Variants in STON2 observed in about 807,000 individuals in gnomAD.
STON2 encodes stonin-2.
Under a neutral mutation model 65.7 loss-of-function variants are expected in STON2, and 29 were observed. The observed-to-expected ratio is 0.44, with a 90% CI of 0.33 to 0.60. The LOEUF (loss-of-function observed/expected upper bound fraction) is 0.60, where lower values mean the gene tolerates loss of function less well. Among genes scored for constraint, STON2 ranks in the 20% least tolerant of loss-of-function variants. The probability of loss-of-function intolerance (pLI) is 0.03; values close to 1 mark genes in which losing one functional copy is unlikely to be tolerated. For missense variants in STON2, 1,054 were observed against 1,118.1 expected (o/e 0.94, Z 0.82); for synonymous variants, 404 against 414.2 (o/e 0.98, Z 0.30).
intron 5 of STON2, among the ~76,000 whole-genome samples, chr14:81,306,986 T>C (rs1896208149): frequency 1.3e-5 from 2 of 152,226 alleles, no homozygotes; most frequent in African/African-American, 4.8e-5. Flanking sequence ...ATTTAAATAA[T>C]GAGCACTTCT....
At chr14:81,342,077 A>T (rs1566917538) in intron 4 of STON2, among the ~76,000 whole-genome samples, 1 of 152,194 alleles carries the variant, frequency 6.6e-6, no homozygotes, top group African/African-American at 2.4e-5. Flanking sequence ...TAGACTGTTA[A>T]ATTATGTGTT....
intron 3 of STON2, among the ~76,000 whole-genome samples, chr14:81,374,333 A>C (rs1320703631): frequency 6.6e-6 from 1 of 151,950 alleles, no homozygotes; most frequent in Non-Finnish European, 1.5e-5. Flanking sequence ...ATCCCTTCTG[A>C]AGGAAGATAC....
At chr14:81,401,110 T>C (rs910400160), upstream of STON2, among the ~76,000 whole-genome samples, 1 of 152,226 alleles carries the variant, frequency 6.6e-6, no homozygotes, top group Admixed American at 6.5e-5. Flanking sequence ...GGGACTGGAA[T>C]GCAGATTTCA....
chr14:81,427,901 C>T (rs919669394), intron 1 of STON2, among the ~76,000 whole-genome samples: 8 of 152,144 alleles, frequency 5.3e-5, no homozygotes, highest in Non-Finnish European at 7.4e-5. Context: ...ACCACAGTGA[C>T]TCAGGGCATA....
chr14:81,331,076 G>A (rs1489013765), intron 4 of STON2, among the ~76,000 whole-genome samples: 1 of 152,250 alleles, frequency 6.6e-6, no homozygotes. Flanking sequence ...AAAAGCACCT[G>A]AGAAACCGGT....
chr14:81,398,307 C>G lies in STON2; in HGVS notation c.76G>C (p.Ala26Pro). 1 of 1,613,130 alleles carries G rather than the reference C, an allele frequency of 6.2e-7. No homozygotes were observed. The highest frequency in any genetic ancestry group is 1.1e-5 in the South Asian group (1 of 90,950). Reference protein sequence around the residue: ...VSFNEEPPFPAHSQGGTEEHL... With the variant: ...VSFNEEPPFPPHSQGGTEEHL... ...AGGCACTCCTTACCCTGCGAGTGGG[C>G]AGGAAAGGGTGGCTCTTCATTGAAG... The change falls in exon 2 of 8, where the codon GCC becomes CCC. Residue 26 changes from alanine to proline, a missense_variant. Coordinates refer to ENST00000614646, the MANE Select transcript of STON2 (RefSeq NM_001394390.1).
At chr14:81,353,716 G>A (rs8009171) in intron 4 of STON2, among the ~76,000 whole-genome samples, 46,252 of 151,914 alleles carry the variant, frequency 0.3, 7,291 homozygotes, top group East Asian at 0.4. Flanking sequence ...GTAAGCCCAC[G>A]GTCATTTCAC....
chr14:81,278,199 T>A lies in STON2; in HGVS notation c.1283A>T (p.Asp428Val), dbSNP rs1481393708. 6.2e-7 allele frequency: 1 copy of A among 1,614,020 alleles called. No homozygotes were observed. The highest frequency in any genetic ancestry group is 2.2e-5 in the East Asian group (1 of 44,888). Residue 428 changes from aspartate (D) to valine (V), a missense_variant, in exon 6 of 8, where the codon GAT becomes GTT. Physicochemically the swap from Asp to Val is radical, Grantham distance 152. Coordinates refer to ENST00000614646, the MANE Select transcript of STON2 (RefSeq NM_001394390.1). The part of the protein sequence containing the change: ...VIYQDAISFD[D>V]SSKTQSHSDA... ...AGAGTGTGACTGGGTTTTGCTTGAATCATCAAAACTGATGGCATCCTGGTA... is the reference window on the plus strand; with the variant it reads ...AGAGTGTGACTGGGTTTTGCTTGAAACATCAAAACTGATGGCATCCTGGTA...
rs545478293 is a variant in STON2 at position 81,398,323 on chromosome 14, T to C, written c.60A>G (p.Glu20=). The C allele has an allele frequency of 3.7e-6, 6 of 1,614,038 alleles. 1 individual carries two copies. In the South Asian group the frequency reaches 6.6e-5, roughly 18 times the overall value. ...GCGAGTGGGCAGGAAAGGGTGGCTCTTCATTGAAGGAGACCCATTCTGACT... is the reference window on the plus strand; with the variant it reads ...GCGAGTGGGCAGGAAAGGGTGGCTCCTCATTGAAGGAGACCCATTCTGACT... ...THQSEWVSFN[E]EPPFPAHSQG... is the part of the protein sequence containing the mutation. The change falls in exon 2 of 8, where the codon GAA becomes GAG. Residue 20 remains glutamate, a synonymous_variant. Transcript: ENST00000614646.
chr14:81,328,545 G>A (rs1374831084), intron 4 of STON2, among the ~76,000 whole-genome samples: 1 of 152,112 alleles, frequency 6.6e-6, no homozygotes, highest in African/African-American at 2.4e-5. Flanking sequence ...GTGCTCTGAG[G>A]GCTCACTCAG....
chr14:81,375,059 G>A (rs1464326062), intron 3 of STON2, among the ~76,000 whole-genome samples: 1 of 152,100 alleles, frequency 6.6e-6, no homozygotes, highest in Non-Finnish European at 1.5e-5. Flanking sequence ...AAGCCAATGT[G>A]CACTTCAAAG....
intron 3 of STON2, among the ~76,000 whole-genome samples, chr14:81,379,288 T>C (rs1221051716): frequency 6.7e-6 from 1 of 148,176 alleles, no homozygotes; most frequent in African/African-American, 2.7e-5. Context: ...CAACAATAAG[T>C]ATGAAGCATA....
chr14:81,317,089 A>G (rs977324074), intron 5 of STON2, among the ~76,000 whole-genome samples: 2 of 152,220 alleles, frequency 1.3e-5, no homozygotes, highest in Admixed American at 1.3e-4. Flanking sequence ...GAAGCATGGC[A>G]GCAGCATCTG....
intron 5 of STON2, among the ~76,000 whole-genome samples, chr14:81,289,630 A>G (rs746202909): frequency 1.3e-5 from 2 of 152,196 alleles, no homozygotes; most frequent in African/African-American, 2.4e-5. Context: ...CGCGTGTGAC[A>G]TTCCTTGAAA....
At chr14:81,404,394 G>C (rs183400908), upstream of STON2, among the ~76,000 whole-genome samples, 2 of 152,322 alleles carry the variant, frequency 1.3e-5, no homozygotes, top group African/African-American at 4.8e-5. Context: ...TATCCTGGAT[G>C]TATTAGCTTA....
Position 81,266,001 on chromosome 14 carries a change from G to A in STON2, c.*2413C>T. On this transcript the variant is annotated 3_prime_UTR_variant, in exon 8 of 8. Transcript: ENST00000614646. ...TCTCAAAAGCCTTCAGTACAACAGGGGAAGAGATATGCGTTGAAATTCCTT... is the reference window on the plus strand; with the variant it reads ...TCTCAAAAGCCTTCAGTACAACAGGAGAAGAGATATGCGTTGAAATTCCTT... 2.0e-6 allele frequency: 2 copies of A among 985,348 alleles called. No homozygotes were observed. The highest frequency in any genetic ancestry group is 2.4e-6 in the Non-Finnish European group (2 of 829,924). The allele number at this position is 985,348 out of a possible 1,614,324, so 61.0% of individuals were successfully genotyped here. A position where few individuals can be genotyped will look rare whatever the true frequency, so the allele number is the denominator to read the frequency against.
chr14:81,264,681 G>C lies in STON2; in HGVS notation c.*3733C>G. 1 of 985,234 alleles carries C rather than the reference G, an allele frequency of 1.0e-6. No individual in the cohort carries two copies. The highest frequency in any genetic ancestry group is 1.2e-6 in the Non-Finnish European group (1 of 829,808). The allele number at this position is 985,234 out of a possible 1,614,324, so 61.0% of individuals were successfully genotyped here. A position where few individuals can be genotyped will look rare whatever the true frequency, so the allele number is the denominator to read the frequency against. On this transcript the variant is annotated 3_prime_UTR_variant, in exon 8 of 8. Transcript: ENST00000614646. ...TAAAAAATATTTTAAATCAAACAAT[G>C]TTCTCAAGGATTATGAACCCTGCCA...
intron 5 of STON2, among the ~76,000 whole-genome samples, chr14:81,322,220 G>C (rs967824892): frequency 9.8e-5 from 15 of 152,304 alleles, no homozygotes; most frequent in Non-Finnish European, 2.1e-4. Flanking sequence ...CTGATTCTGG[G>C]AGAGAAGCAC....
At chr14:81,296,972 G>A (rs907149589) in intron 5 of STON2, among the ~76,000 whole-genome samples, 1 of 152,088 alleles carries the variant, frequency 6.6e-6, no homozygotes, top group Non-Finnish European at 1.5e-5. Context: ...CTGAACCAAG[G>A]AAAAAGATCT....
Sources: gnomAD v4.1 joint callset for allele counts (sites outside exome capture counted in the v4.1 genomes callset) on GRCh38, gnomAD v4.1.1 for gene constraint, MANE v1.5 for transcripts, NCBI Gene and HGNC (gene_info 2026-07-23, HGNC 2026-07-21) for gene names.